The following SMYD3 variants were observed in gnomAD, a reference collection of about 807,000 sequenced individuals.
SMYD3 encodes the protein SET and MYND domain containing 3, also known as histone-lysine N-methyltransferase SMYD3.
Under a neutral mutation model 57.7 loss-of-function variants are expected in SMYD3, and 36 were observed. The observed-to-expected ratio is 0.62, with a 90% CI of 0.48 to 0.82. The LOEUF is 0.82. Among genes scored for constraint, SMYD3 ranks in the 40% least tolerant of loss-of-function variants. The pLI is 0.00. For missense variants in SMYD3, 515 were observed against 538.8 expected, an observed-to-expected ratio of 0.96 and a Z score of 0.44; for synonymous variants, 211 against 195.0, an observed-to-expected ratio of 1.08 and a Z score of -0.68.
chr1:246,357,819 T>G (rs1408230654), intron 1 of SMYD3, among the ~76,000 whole-genome samples: 3 of 152,180 alleles, frequency 2.0e-5, no homozygotes, highest in Non-Finnish European at 4.4e-5. Flanking sequence ...GAACTCTAAA[T>G]CTTGAAACAA....
chr1:246,391,405 AGAAAGAGAGAGAAAAAG>A (rs2066565915), intron 1 of SMYD3, among the ~76,000 whole-genome samples: 3 of 44,912 alleles, frequency 6.7e-5, no homozygotes, highest in African/African-American at 1.1e-4. Flanking sequence ...AGAGAGAGAG[AGAAAGAGAGAGAAAAAG>A]AGAGAGAGAG....
At chr1:246,108,579 T>C (rs1414176054) in intron 5 of SMYD3, 2 of 152,144 alleles carry the variant, frequency 1.3e-5, no homozygotes, top group African/African-American at 4.8e-5. Flanking sequence ...CACCGTCTAT[T>C]ATAAATGCTT....
chr1:246,021,649 G>A (rs2059472143), intron 5 of SMYD3, among the ~76,000 whole-genome samples: 1 of 152,070 alleles, frequency 6.6e-6, no homozygotes, highest in African/African-American at 2.4e-5. Flanking sequence ...TTATTGATCA[G>A]CCTCCCTACA....
In SMYD3 at chr1:245,774,423, T is replaced by C. The variant is rs190152491; in HGVS notation, c.1077-10274A>G. 2.0e-5 allele frequency among the ~76,000 whole-genome samples: 3 copies of C among 152,270 alleles called. No homozygotes were observed. In the South Asian group the frequency reaches 6.2e-4, roughly 32 times the overall value. ...AAAGAAAGCCAGTGGAATGACATCT[T>C]CCATGTTCTGAGGAAAACAAACTCC... On this transcript the variant is annotated intron_variant, in intron 10 of 11. Coordinates refer to ENST00000490107, the MANE Select transcript of SMYD3 (RefSeq NM_001167740.2).
At chr1:246,090,985 A>G (rs2060813669) in intron 5 of SMYD3, among the ~76,000 whole-genome samples, 1 of 152,162 alleles carries the variant, frequency 6.6e-6, no homozygotes, top group South Asian at 2.1e-4. Context: ...AGTCACCGAA[A>G]TGGTGAGCAG....
intron 6 of SMYD3, among the ~76,000 whole-genome samples, chr1:245,928,584 G>A (rs1052539774): frequency 6.6e-6 from 1 of 152,094 alleles, no homozygotes; most frequent in Non-Finnish European, 1.5e-5. Context: ...GGAGGCAGGA[G>A]AATCGCTTGA....
chr1:246,403,757 A>G (rs968493089), intron 1 of SMYD3, among the ~76,000 whole-genome samples: 2 of 152,262 alleles, frequency 1.3e-5, no homozygotes, highest in African/African-American at 4.8e-5. Flanking sequence ...AATAACACAT[A>G]CATGCTGAAA....
intron 1 of SMYD3, among the ~76,000 whole-genome samples, chr1:246,468,602 C>A (rs2067913876): frequency 6.6e-6 from 1 of 152,054 alleles, no homozygotes; most frequent in Non-Finnish European, 1.5e-5. Flanking sequence ...GATCACACCA[C>A]TGCACTCCAG....
At chr1:245,851,288 C>T (rs758346109) in intron 10 of SMYD3, among the ~76,000 whole-genome samples, 3 of 152,126 alleles carry the variant, frequency 2.0e-5, no homozygotes, top group Admixed American at 1.3e-4. Flanking sequence ...TTGCCTGTTT[C>T]GTTTACCACA....
intron 10 of SMYD3, among the ~76,000 whole-genome samples, chr1:245,788,222 G>C (rs558510825): frequency 1.2e-3 from 184 of 151,998 alleles, no homozygotes; most frequent in Admixed American, 2.7e-3. Flanking sequence ...ACAGGGAACA[G>C]GGCAAGGAGA....
intron 10 of SMYD3, among the ~76,000 whole-genome samples, chr1:245,774,836 G>C: frequency 6.6e-6 from 1 of 152,098 alleles, no homozygotes; most frequent in East Asian, 1.9e-4. Context: ...GAGTGCCTGC[G>C]ATTGCAGGGG....
chr1:245,868,494 A>C (rs1006821094), intron 8 of SMYD3, among the ~76,000 whole-genome samples: 13 of 152,196 alleles, frequency 8.5e-5, no homozygotes, highest in African/African-American at 2.7e-4. Context: ...TCTATCAAGC[A>C]GGGTGAGACC....
At chr1:245,939,407 C>CGA (rs2057127108) in intron 5 of SMYD3, among the ~76,000 whole-genome samples, 1 of 151,776 alleles carries the variant, frequency 6.6e-6, no homozygotes, top group African/African-American at 2.4e-5. Flanking sequence ...GGGTGGATCA[C>CGA]GAGGTCAGGA....
At chr1:246,349,252 A>G (rs2065779490) in intron 2 of SMYD3, among the ~76,000 whole-genome samples, 1 of 152,258 alleles carries the variant, frequency 6.6e-6, no homozygotes, top group Non-Finnish European at 1.5e-5. Flanking sequence ...AAAGACTGCT[A>G]ATAGCATCAA....
intron 1 of SMYD3, among the ~76,000 whole-genome samples, chr1:246,412,727 C>G (rs573517485): frequency 6.6e-6 from 1 of 151,478 alleles, no homozygotes; most frequent in African/African-American, 2.4e-5. Context: ...GTGTGGTGGC[C>G]GGTGCCTGTA....
chr1:245,835,066 T>C (rs1328373379), intron 10 of SMYD3, among the ~76,000 whole-genome samples: 1 of 151,708 alleles, frequency 6.6e-6, no homozygotes, highest in Non-Finnish European at 1.5e-5. Flanking sequence ...AGAAAATGCA[T>C]GAGACTTGGA....
chr1:246,299,246 C>G (rs557637825), intron 5 of SMYD3, among the ~76,000 whole-genome samples: 4 of 152,206 alleles, frequency 2.6e-5, no homozygotes, highest in African/African-American at 9.6e-5. Flanking sequence ...TGAAAAAAAG[C>G]TCAACATCAC....
chr1:245,953,812 G>A (rs561814500), intron 5 of SMYD3, among the ~76,000 whole-genome samples: 8 of 152,276 alleles, frequency 5.3e-5, no homozygotes, highest in Non-Finnish European at 1.0e-4. Context: ...CTTGTGCCTG[G>A]TTCTTCAAAC....
intron 1 of SMYD3, among the ~76,000 whole-genome samples, chr1:246,454,566 A>G (rs1190565856): frequency 6.6e-6 from 1 of 152,242 alleles, no homozygotes; most frequent in East Asian, 1.9e-4. Context: ...AGGACTATAA[A>G]ATGTACACAG....
Sources: allele counts gnomAD v4.1 joint callset (sites outside exome capture counted in the v4.1 genomes callset), GRCh38; gene constraint gnomAD v4.1.1; transcripts MANE v1.5; gene names NCBI Gene and HGNC (gene_info 2026-07-23, HGNC 2026-07-21).